The following DAB1 variants were observed in gnomAD, a reference collection of about 807,000 sequenced individuals.
The protein encoded by DAB1 is disabled homolog 1.
In DAB1, 15 loss-of-function variants were observed where a neutral mutation model predicts 64.6. The observed-to-expected ratio is 0.23, with a 90% CI of 0.16 to 0.36. The LOEUF is 0.36. Ranked by LOEUF, DAB1 falls within the 10% of genes least tolerant of loss-of-function variation. DAB1 has a pLI of 1.00. For synonymous variants in DAB1, 235 were observed against 251.9 expected (o/e 0.93, Z 0.64); for missense variants, 596 against 706.7 (o/e 0.84, Z 1.78).
intron 7 of DAB1, among the ~76,000 whole-genome samples, chr1:57,508,326 C>G (rs781613474): frequency 2.0e-5 from 3 of 152,132 alleles, no homozygotes; most frequent in Admixed American, 1.3e-4. Context: ...CTGTTGAACT[C>G]GAACACCTAG....
intron 2 of DAB1, among the ~76,000 whole-genome samples, chr1:57,166,654 T>C (rs1292187296): frequency 2.0e-5 from 3 of 152,152 alleles, no homozygotes; most frequent in Admixed American, 2.0e-4. Context: ...TCTCAAATAA[T>C]ACGCACAATT....
chr1:57,848,724 T>C (rs550420845), intron 1 of DAB1, among the ~76,000 whole-genome samples: 5 of 152,208 alleles, frequency 3.3e-5, no homozygotes, highest in African/African-American at 1.2e-4. Context: ...GAAACCTAAG[T>C]TGATTCTGAA....
chr1:57,653,620 A>AT (rs1176557046), intron 6 of DAB1, among the ~76,000 whole-genome samples: 15 of 149,672 alleles, frequency 1.0e-4, no homozygotes, highest in Admixed American at 2.0e-4. Flanking sequence ...TTACATTATT[A>AT]TTTTTTTTTT....
chr1:57,924,316 A>G (rs1570003668), intron 5 of DAB1, among the ~76,000 whole-genome samples: 1 of 152,364 alleles, frequency 6.6e-6, no homozygotes, highest in East Asian at 1.9e-4. Flanking sequence ...ATGATCAGAT[A>G]CTATGATCTC....
intron 1 of DAB1, among the ~76,000 whole-genome samples, chr1:57,292,112 T>G (rs530138817): frequency 2.0e-5 from 3 of 152,324 alleles, no homozygotes; most frequent in African/African-American, 7.2e-5. Context: ...GAAATGGATC[T>G]TCGAATTGTG....
At chr1:58,379,701 T>C (rs796832684) in intron 3 of DAB1, among the ~76,000 whole-genome samples, 13 of 152,338 alleles carry the variant, frequency 8.5e-5, no homozygotes, top group African/African-American at 3.1e-4. Flanking sequence ...TGATAGTCTA[T>C]AGAGTTGGAA....
chr1:58,162,598 A>C (rs1655602637), intron 4 of DAB1, among the ~76,000 whole-genome samples: 1 of 152,048 alleles, frequency 6.6e-6, no homozygotes, highest in Non-Finnish European at 1.5e-5. Context: ...ATTCACAAAC[A>C]CTCACACTGA....
intron 7 of DAB1, among the ~76,000 whole-genome samples, chr1:57,646,062 G>T (rs1646188370): frequency 2.0e-5 from 3 of 152,062 alleles, no homozygotes; most frequent in Admixed American, 2.0e-4. Context: ...AAAATAGCAA[G>T]AAAACATTTT....
chr1:57,309,317 G>A (rs1674470346), intron 1 of DAB1, among the ~76,000 whole-genome samples: 2 of 152,274 alleles, frequency 1.3e-5, no homozygotes, highest in South Asian at 4.1e-4. Flanking sequence ...TGAGCCCATC[G>A]TTCATAACAT....
At chr1:57,490,238 A>G (rs573536840) in intron 7 of DAB1, among the ~76,000 whole-genome samples, 19 of 152,348 alleles carry the variant, frequency 1.2e-4, no homozygotes, top group African/African-American at 4.3e-4. Context: ...GAACTAAGAC[A>G]TAACATCTTT....
At chr1:58,314,571 G>A (rs1159565205) in intron 4 of DAB1, among the ~76,000 whole-genome samples, 1 of 152,110 alleles carries the variant, frequency 6.6e-6, no homozygotes, top group Non-Finnish European at 1.5e-5. Flanking sequence ...CGCCCCCATT[G>A]CCTCATCTCA....
At chr1:57,534,686 G>A (rs568361408) in intron 7 of DAB1, among the ~76,000 whole-genome samples, 73 of 152,256 alleles carry the variant, frequency 4.8e-4, no homozygotes, top group African/African-American at 1.7e-3. Flanking sequence ...CTCTGGCTTG[G>A]TAATCTGCCC....
rs114631728 is a variant in DAB1 at position 57,655,033 on chromosome 1, T to C, written n.552-5368A>G. 5.3e-3 allele frequency among the ~76,000 whole-genome samples: 815 copies of C among 152,362 alleles called. 7 individuals are homozygous for C. The highest frequency in any genetic ancestry group is 0.018 in the African/African-American group (762 of 41,584). On this transcript the variant is annotated intron_variant and non_coding_transcript_variant, in intron 6 of 20. Coordinates refer to the DAB1 transcript ENST00000485760. ...CATTTCTACTCTGAAATAATGCATC[T>C]GTGATGACAAAGTTTCTACTACACA...
intron 3 of DAB1, among the ~76,000 whole-genome samples, chr1:58,488,110 T>A (rs147424769): frequency 6.6e-6 from 1 of 152,186 alleles, no homozygotes; most frequent in African/African-American, 2.4e-5. Flanking sequence ...GATAAAGTTT[T>A]CTTTAAATAC....
At chr1:58,252,188 T>C (rs913371254) in intron 4 of DAB1, among the ~76,000 whole-genome samples, 1 of 152,250 alleles carries the variant, frequency 6.6e-6, no homozygotes, top group Non-Finnish European at 1.5e-5. Flanking sequence ...AAGGAGCCTC[T>C]GGAGTGCTCC....
intron 5 of DAB1, among the ~76,000 whole-genome samples, chr1:57,896,550 G>A (rs1363761422): frequency 6.6e-6 from 1 of 152,136 alleles, no homozygotes; most frequent in Non-Finnish European, 1.5e-5. Flanking sequence ...ACAGACTTCA[G>A]TGGAGTGGTA....
chr1:57,174,065 G>A (rs982340281), intron 2 of DAB1, among the ~76,000 whole-genome samples: 2 of 152,156 alleles, frequency 1.3e-5, no homozygotes, highest in African/African-American at 4.8e-5. Context: ...TTGATAAACT[G>A]ATCTTAGCTA....
At chr1:57,891,373 A>G (rs1234916216) in intron 5 of DAB1, among the ~76,000 whole-genome samples, 1 of 152,212 alleles carries the variant, frequency 6.6e-6, no homozygotes, top group Non-Finnish European at 1.5e-5. Context: ...GCTGGAGAGG[A>G]TGTGGAGAAA....
At chr1:57,310,771 A>G (rs564726502) in intron 1 of DAB1, among the ~76,000 whole-genome samples, 25 of 152,242 alleles carry the variant, frequency 1.6e-4, no homozygotes, top group Non-Finnish European at 2.4e-4. Flanking sequence ...ACAAGGGTTT[A>G]ATAGTTTCAT....
Sources: gnomAD v4.1 joint callset for allele counts (sites outside exome capture counted in the v4.1 genomes callset) on GRCh38, gnomAD v4.1.1 for gene constraint, MANE v1.5 for transcripts, NCBI Gene and HGNC (gene_info 2026-07-23, HGNC 2026-07-21) for gene names.